The following TSPAN7 variants were observed in gnomAD, a reference collection of about 807,000 sequenced individuals.
TSPAN7 encodes the protein tetraspanin-7.
TSPAN7 carries 1 observed loss-of-function variant against 17.6 expected under a neutral mutation model. That is an observed-to-expected ratio of 0.06 (90% CI 0.02 to 0.27). TSPAN7 has a LOEUF of 0.27. Ranked by LOEUF, TSPAN7 falls within the 10% of genes least tolerant of loss-of-function variation. The pLI is 1.00. For synonymous variants in TSPAN7, 78 were observed against 79.0 expected (o/e 0.99, Z 0.07); for missense variants, 112 against 201.7 (o/e 0.56, Z 2.69).
intron 1 of TSPAN7, among the ~76,000 whole-genome samples, chrX:38,579,582 T>A (rs760126908): frequency 4.3e-4 from 48 of 110,790 alleles, no homozygotes; most frequent in Non-Finnish European, 6.6e-4. Flanking sequence ...TCTCAAAAAA[T>A]AATAATAATA....
chrX:38,602,971 G>C (rs1429493685), intron 1 of TSPAN7, among the ~76,000 whole-genome samples: 1 of 111,788 alleles, frequency 8.9e-6, no homozygotes, highest in Non-Finnish European at 1.9e-5. Flanking sequence ...TGTGTGATAA[G>C]CAAAAAAGTG....
At chrX:38,647,813 T>C (rs189608842) in intron 1 of TSPAN7, among the ~76,000 whole-genome samples, 12 of 112,255 alleles carry the variant, frequency 1.1e-4, no homozygotes, top group African/African-American at 3.2e-4. Flanking sequence ...GCTTGTCAAC[T>C]CTGGTTGCTA....
intron 1 of TSPAN7, among the ~76,000 whole-genome samples, chrX:38,630,481 G>C (rs923756906): frequency 4.5e-5 from 5 of 111,591 alleles, no homozygotes; most frequent in African/African-American, 1.6e-4. Flanking sequence ...TGATGGTGGG[G>C]ACTATGTCAC....
chrX:38,625,199 G>A (rs1281756672), intron 1 of TSPAN7, among the ~76,000 whole-genome samples: 2 of 110,956 alleles, frequency 1.8e-5, no homozygotes, highest in African/African-American at 3.3e-5. Flanking sequence ...CCCTTAATCT[G>A]TCTAAATCCT....
intron 1 of TSPAN7, among the ~76,000 whole-genome samples, chrX:38,580,397 A>G (rs1404652781): frequency 8.9e-6 from 1 of 112,208 alleles, no homozygotes; most frequent in African/African-American, 3.2e-5. Context: ...TAAGGCAGCT[A>G]TGGGCTCTGT....
At chrX:38,566,471 T>C in intron 1 of TSPAN7, 1 of 454,908 alleles carries the variant, frequency 2.2e-6, no homozygotes, top group Non-Finnish European at 3.0e-6. Context: ...TGAAATTTTA[T>C]TGACTACTCT....
intron 2 of TSPAN7, among the ~76,000 whole-genome samples, chrX:38,667,944 C>T (rs2069793622): frequency 8.9e-6 from 1 of 112,376 alleles, no homozygotes; most frequent in African/African-American, 3.2e-5. Flanking sequence ...GCCCTGGCAT[C>T]TTATTTTCTA....
intron 1 of TSPAN7, among the ~76,000 whole-genome samples, chrX:38,601,827 T>G (rs921492388): frequency 8.0e-5 from 9 of 111,906 alleles, no homozygotes; most frequent in African/African-American, 2.9e-4. Flanking sequence ...CATCTAGCCC[T>G]CCTCATGCAT....
At chrX:38,643,864 TAAAAC>T (rs768319600) in intron 1 of TSPAN7, among the ~76,000 whole-genome samples, 9 of 110,173 alleles carry the variant, frequency 8.2e-5, no homozygotes, top group Admixed American at 1.9e-4. Flanking sequence ...AATAAAATAA[TAAAAC>T]AAAATAAAAA....
Position 38,659,910 on chromosome X carries a change from T to A in TSPAN7, c.82-6211T>A, listed in dbSNP as rs574530767. On this transcript the variant is annotated intron_variant, in intron 1 of 7. Transcript: ENST00000378482. The stretch of plus-strand genomic sequence containing the variant: ...GGCATGATCTTGGCTCACTGCAACC[T>A]CTGCCCTGTGGGTTCAAGTGATTCT... Among the ~76,000 whole-genome samples the A allele has an allele frequency of 3.0e-5, 3 of 100,328 alleles. No homozygotes were observed. The South Asian group carries it at 1.6e-3, about 52-fold the overall frequency. 87.1% of individuals were successfully genotyped at this position (100,328 alleles called of 115,157 possible).
chrX:38,625,909 G>C (rs190039939), intron 1 of TSPAN7, among the ~76,000 whole-genome samples: 4 of 112,107 alleles, frequency 3.6e-5, no homozygotes, highest in Non-Finnish European at 5.6e-5. Flanking sequence ...TGAGGAGATA[G>C]TGTTTTGGAA....
chrX:38,579,269 A>G (rs1168769227), intron 1 of TSPAN7, among the ~76,000 whole-genome samples: 1 of 110,888 alleles, frequency 9.0e-6, no homozygotes, highest in African/African-American at 3.3e-5. Flanking sequence ...AACCCAGTGC[A>G]TTTTATGGAT....
rs761767197 is a variant in TSPAN7, at chrX:38,624,663, C to G, written c.82-41458C>G. Among the ~76,000 whole-genome samples, 3 of 112,257 alleles carry G rather than the reference C, an allele frequency of 2.7e-5. No homozygotes were observed. In the East Asian group the frequency reaches 8.4e-4, roughly 31 times the overall value. On this transcript the variant is annotated intron_variant, in intron 1 of 7. Coordinates refer to ENST00000378482, the MANE Select transcript of TSPAN7 (RefSeq NM_004615.4). ...AATAATCAAGGCAGAATTGTCTCGC[C>G]CAATTATAAGTAGTGTTTTTAATCT... is the stretch of plus-strand genomic sequence containing the variant.
chrX:38,620,710 C>A (rs2069484057), intron 1 of TSPAN7, among the ~76,000 whole-genome samples: 1 of 111,652 alleles, frequency 9.0e-6, no homozygotes, highest in African/African-American at 3.3e-5. Context: ...CACAACCTGT[C>A]AGAGCAGAGA....
intron 1 of TSPAN7, among the ~76,000 whole-genome samples, chrX:38,591,280 C>T (rs2069290051): frequency 9.0e-6 from 1 of 110,735 alleles, no homozygotes; most frequent in Non-Finnish European, 1.9e-5. Context: ...TGATTTTTTT[C>T]TTTAATCCGT....
rs1042874064 is a variant in TSPAN7, at chrX:38,625,499, G to A, written c.82-40622G>A. On this transcript the variant is annotated intron_variant, in intron 1 of 7. Coordinates refer to ENST00000378482, the MANE Select transcript of TSPAN7 (RefSeq NM_004615.4). Reference sequence around the variant, plus strand: ...ATCTTCCATTCTTTCCTCATCTGTCGGCTACAACTGAGGACCATCTTTGGA... The same window carrying A: ...ATCTTCCATTCTTTCCTCATCTGTCAGCTACAACTGAGGACCATCTTTGGA... 4.5e-5 allele frequency among the ~76,000 whole-genome samples: 5 copies of A among 111,583 alleles called. 1 individual carries two copies. The highest frequency in any genetic ancestry group is 1.3e-4 in the African/African-American group (4 of 30,644).
At chrX:38,582,265 C>T (rs1331732654) in intron 1 of TSPAN7, among the ~76,000 whole-genome samples, 1 of 112,512 alleles carries the variant, frequency 8.9e-6, no homozygotes, top group Non-Finnish European at 1.9e-5. Context: ...ACCTCTTTTT[C>T]TGCTTGTAAG....
intron 1 of TSPAN7, among the ~76,000 whole-genome samples, chrX:38,581,904 C>A (rs759517225): frequency 8.9e-6 from 1 of 112,551 alleles, no homozygotes; most frequent in African/African-American, 3.2e-5. Flanking sequence ...TTTTGCTTTG[C>A]TTTAAAGAAA....
At chrX:38,594,339 T>C (rs2069307762) in intron 1 of TSPAN7, among the ~76,000 whole-genome samples, 1 of 111,744 alleles carries the variant, frequency 8.9e-6, no homozygotes, top group African/African-American at 3.3e-5. Context: ...ATTAGGTTCT[T>C]TGTTAGTGTT....
Sources: allele counts gnomAD v4.1 joint callset (sites outside exome capture counted in the v4.1 genomes callset), GRCh38; gene constraint gnomAD v4.1.1; transcripts MANE v1.5; gene names NCBI Gene and HGNC (gene_info 2026-07-23, HGNC 2026-07-21).